Variants in CXXC4 observed in about 807,000 individuals in gnomAD.
CXXC4 encodes the protein CXXC-type zinc finger protein 4.
A neutral mutation model predicts 20.5 loss-of-function variants in CXXC4; 5 were observed. The ratio of observed to expected loss-of-function variants is 0.24; its 90% CI spans 0.13 to 0.51. The LOEUF is 0.51. Ranked by LOEUF, CXXC4 falls within the 20% of genes least tolerant of loss-of-function variation. The pLI is 0.97. For synonymous variants in CXXC4, 250 were observed against 216.4 expected (o/e 1.16, Z -1.36); for missense variants, 419 against 496.4 (o/e 0.84, Z 1.48).
At chr4:104,475,458 C>A (rs1012378003) in intron 2 of CXXC4, among the ~76,000 whole-genome samples, 2 of 152,046 alleles carry the variant, frequency 1.3e-5, no homozygotes, top group Non-Finnish European at 2.9e-5. Context: ...TCATCAGGAA[C>A]AATGGAAATG....
In CXXC4 at chr4:104,490,902, C is replaced by G. The variant is rs768141659; in HGVS notation, c.901G>C (p.Ala301Pro). 6.2e-7 allele frequency: 1 copy of G among 1,614,036 alleles called. No individual in the cohort carries two copies. Among genetic ancestry groups the G allele is most frequent in the Non-Finnish European group, 8.5e-7 (1 of 1,180,036 alleles). ...SSGGAGGANP[A>P]KKKRKRCGVC... The stretch of plus-strand genomic sequence containing the variant: ...CCACACCTTTTCCTCTTCTTCTTGG[C>G]TGGGTTGGCTCCGCCAGCTCCCCCT... The change falls in exon 2 of 3, where the codon GCC becomes CCC. Residue 301 changes from alanine to proline, a missense_variant. Coordinates refer to ENST00000394767, the MANE Select transcript of CXXC4 (RefSeq NM_025212.4).
chr4:104,492,404 G>A (rs1022651248), intron 1 of CXXC4, among the ~76,000 whole-genome samples: 2 of 152,058 alleles, frequency 1.3e-5, no homozygotes, highest in African/African-American at 4.8e-5. Flanking sequence ...CAAATCATGG[G>A]TGGGAGGGCG....
chr4:104,479,766 C>A (rs1578317332), intron 2 of CXXC4, among the ~76,000 whole-genome samples: 1 of 149,210 alleles, frequency 6.7e-6, no homozygotes, highest in South Asian at 2.2e-4. Flanking sequence ...CCCTCCCTTC[C>A]TTCCTTCCCT....
chr4:104,481,009 G>T (rs1354297703), intron 2 of CXXC4, among the ~76,000 whole-genome samples: 1 of 151,860 alleles, frequency 6.6e-6, no homozygotes, highest in Non-Finnish European at 1.5e-5. Flanking sequence ...TGTAAAATAT[G>T]CCTTGAAATA....
At chr4:104,480,460 C>G (rs11940193) in intron 2 of CXXC4, among the ~76,000 whole-genome samples, 31,372 of 152,138 alleles carry the variant, frequency 0.21, 9,813 homozygotes, top group African/African-American at 0.68. Flanking sequence ...TGAGCTCCCT[C>G]AACACTATCA....
chr4:104,470,804 T>C lies in CXXC4; in HGVS notation c.*1518A>G, dbSNP rs761855475. 1.3e-5 allele frequency: 2 copies of C among 152,048 alleles called. No homozygotes were observed. The highest frequency in any genetic ancestry group is 2.9e-5 in the Non-Finnish European group (2 of 67,988). The allele number at this position is 152,048 out of a possible 1,614,324, so 9.4% of individuals were successfully genotyped here. On this transcript the variant is annotated 3_prime_UTR_variant, in exon 3 of 3. Transcript: ENST00000394767. ...CCTGTTCTACTCCTGAAACTGAAAA[T>C]AGTCTTTATAATTGGGACAAACAGA...
intron 2 of CXXC4, among the ~76,000 whole-genome samples, chr4:104,490,283 G>GT (rs1560543781): frequency 1.3e-5 from 2 of 152,284 alleles, no homozygotes; most frequent in South Asian, 2.1e-4. Flanking sequence ...TTTGTTACCG[G>GT]TTTTTTAATG....
rs1736826344 is a variant in CXXC4, at chr4:104,490,754, G to C, written c.1049C>G (p.Thr350Ser). 1.3e-5 allele frequency: 21 copies of C among 1,612,912 alleles called. No individual in the cohort carries two copies. The highest frequency in any genetic ancestry group is 1.8e-5 in the Non-Finnish European group (21 of 1,179,412). Residue 350 changes from threonine (T) to serine (S), a missense_variant, in exon 2 of 3, where the codon ACT (threonine) becomes AGT (serine). Physicochemically the swap from Thr to Ser is moderately conservative, Grantham distance 58. Around this residue, in one of 3 missense-constraint regions of CXXC4, gnomAD observed 15 missense variants for 63.0 expected, o/e 0.24. Coordinates refer to ENST00000394767, the MANE Select transcript of CXXC4 (RefSeq NM_025212.4). The stretch of plus-strand genomic sequence containing the variant: ...ATCATCTCCTCTGACCTCTAGTGAA[G>C]TGCCAGGTTTTTTCTTTAGCTCTTC... ...KCEELKKKPG[T>S]SLERTPVPSA...
At position 104,491,320 on chromosome 4, in the gene CXXC4, G is replaced by GCCGCCGCCGCCA. The variant is rs745913826; in HGVS notation, c.471_482dup (p.Gly162_Gly165dup). ...TGCTGGTCCTGCTGCCGCCGCCGCCGCCGCCGCCGCCACCGCCGGCGGGGA... is the reference window on the plus strand; with the variant it reads ...TGCTGGTCCTGCTGCCGCCGCCGCCGCCGCCGCCGCCACCGCCGCCGCCACCGCCGGCGGGGA... On this transcript the variant is annotated inframe_insertion, in exon 2 of 3. Transcript: ENST00000394767. 115 of 1,554,468 alleles carry GCCGCCGCCGCCA rather than the reference G, an allele frequency of 7.4e-5. No homozygotes were observed. In the Middle Eastern group the frequency reaches 1.8e-3, roughly 25 times the overall value.
chr4:104,485,691 C>G (rs1415324921), intron 2 of CXXC4, among the ~76,000 whole-genome samples: 1 of 152,006 alleles, frequency 6.6e-6, no homozygotes, highest in Non-Finnish European at 1.5e-5. Context: ...ATGTTTCCAC[C>G]CCACCATGGA....
In CXXC4 at chr4:104,476,252, CA is replaced by C. The variant is rs200472462; in HGVS notation, c.1060-3887del. On this transcript the variant is annotated intron_variant, in intron 2 of 2. Coordinates refer to ENST00000394767, the MANE Select transcript of CXXC4 (RefSeq NM_025212.4). ...AATCTGCAGTGATGAAATAATTAAA[CA>C]ACCTAAAATAATAAAGAATATGAAA... is the stretch of plus-strand genomic sequence containing the variant. Among the ~76,000 whole-genome samples the C allele has an allele frequency of 6.2e-3, 949 of 152,210 alleles. 8 individuals are homozygous for C. Among genetic ancestry groups the C allele is most frequent in the African/African-American group, 0.021 (869 of 41,552 alleles).
chr4:104,474,525 C>A, intron 2 of CXXC4, among the ~76,000 whole-genome samples: 1 of 151,862 alleles, frequency 6.6e-6, no homozygotes, highest in East Asian at 1.9e-4. Flanking sequence ...CTGATGCCAA[C>A]TAAGAATAAA....
At chr4:104,492,673 C>G (rs181705079) in intron 1 of CXXC4, among the ~76,000 whole-genome samples, 3 of 152,196 alleles carry the variant, frequency 2.0e-5, no homozygotes, top group Admixed American at 2.0e-4. Flanking sequence ...TACCAGCTGC[C>G]ACAGTATCCT....
At chr4:104,490,582 G>C (rs1255933125) in intron 2 of CXXC4, among the ~76,000 whole-genome samples, 162 bp downstream of exon 2, 1 of 152,204 alleles carries the variant, frequency 6.6e-6, no homozygotes, top group Non-Finnish European at 1.5e-5. Flanking sequence ...TGCGGGTGGT[G>C]GAGAGGCCAA....
At position 104,488,202 on chromosome 4, in the gene CXXC4, C is replaced by T. The variant is rs77867157; in HGVS notation, c.1059+2542G>A. ...CAATGAGTCCCCAAATCACTGCCCT[C>T]AGCCAGGAACCCATCCAATCTCTAA... On this transcript the variant is annotated intron_variant, in intron 2 of 2. Transcript: ENST00000394767. 4.8e-3 allele frequency among the ~76,000 whole-genome samples: 731 copies of T among 152,346 alleles called. 6 individuals are homozygous for T. The highest frequency in any genetic ancestry group is 0.016 in the African/African-American group (678 of 41,580).
At position 104,491,254 on chromosome 4, in the gene CXXC4, G is replaced by A; in HGVS notation, c.549C>T (p.Gly183=). 6.2e-7 allele frequency: 1 copy of A among 1,612,704 alleles called. No homozygotes were observed. The highest frequency in any genetic ancestry group is 8.5e-7 in the Non-Finnish European group (1 of 1,179,782). ...TTTGCAACGACGGCTCTGGCGGGCA[G>A]CCAGCTTTCCCCAGCCTCTGGGAGT... ...RNDSQRLGKA[G]CPPEPSLQMA... is the part of the protein sequence containing the mutation. Residue 183 remains glycine (G), a synonymous_variant, in exon 2 of 3, where the codon GGC becomes GGT. Coordinates refer to ENST00000394767, the MANE Select transcript of CXXC4 (RefSeq NM_025212.4).
rs768576227 is a variant in CXXC4, at chr4:104,491,334, C to T, written c.469G>A (p.Gly157Ser). 1 of 1,549,566 alleles carries T rather than the reference C, an allele frequency of 6.5e-7. No homozygotes were observed. The highest frequency in any genetic ancestry group is 8.7e-7 in the Non-Finnish European group (1 of 1,150,780). Residue 157 changes from glycine to serine, a missense_variant, in exon 2 of 3, where the codon GGT becomes AGT. Coordinates refer to ENST00000394767, the MANE Select transcript of CXXC4 (RefSeq NM_025212.4). ...CCGCCGCCGCCGCCGCCGCCGCCAC[C>T]GCCGGCGGGGAGGATCGCCGAGGAG... Reference protein sequence around the residue: ...SSSSAILPAGGGGGGGGGGSR... With the variant: ...SSSSAILPAGSGGGGGGGGSR...
At chr4:104,485,243 C>T (rs1736656746) in intron 2 of CXXC4, among the ~76,000 whole-genome samples, 1 of 151,904 alleles carries the variant, frequency 6.6e-6, no homozygotes, top group South Asian at 2.1e-4. Flanking sequence ...TGCTTTTTTA[C>T]AAACTAATCT....
In CXXC4 at chr4:104,477,316, G is replaced by A. The variant is rs141225501; in HGVS notation, c.1060-4950C>T. On this transcript the variant is annotated intron_variant, in intron 2 of 2. Coordinates refer to ENST00000394767, the MANE Select transcript of CXXC4 (RefSeq NM_025212.4). Reference sequence around the variant, plus strand: ...ACCTTTTTTTTCTGATTTGATTCACGAAGAATGCTAAAACATTGTTATATA... The same window carrying A: ...ACCTTTTTTTTCTGATTTGATTCACAAAGAATGCTAAAACATTGTTATATA... Among the ~76,000 whole-genome samples, 411 of 151,986 alleles carry A rather than the reference G, an allele frequency of 2.7e-3. 2 individuals are homozygous for A. Among genetic ancestry groups the A allele is most frequent in the African/African-American group, 9.5e-3 (392 of 41,466 alleles).
Sources: allele counts gnomAD v4.1 joint callset (sites outside exome capture counted in the v4.1 genomes callset), GRCh38; gene constraint gnomAD v4.1.1; regional missense constraint gnomAD v4.1.1; transcripts MANE v1.5; gene names NCBI Gene and HGNC (gene_info 2026-07-23, HGNC 2026-07-21).